The following GFPT2 variants were observed in gnomAD, a reference collection of about 807,000 sequenced individuals.
The protein encoded by GFPT2 is glutamine--fructose-6-phosphate transaminase 2.
In GFPT2, 62 loss-of-function variants were observed where a neutral mutation model predicts 85.6. The ratio of observed to expected loss-of-function variants is 0.72; its 90% CI spans 0.59 to 0.90. The LOEUF is 0.90. Among genes scored for constraint, GFPT2 ranks in the 40% least tolerant of loss-of-function variants. GFPT2 has a pLI of 0.00. For missense variants in GFPT2, 788 were observed against 893.4 expected (o/e 0.88, Z 1.50); for synonymous variants, 368 against 344.5 (o/e 1.07, Z -0.75).
chr5:180,301,652 G>C (rs777112014), intron 18 of GFPT2, 44 bp from the exon 19 acceptor site: 1 of 1,491,832 alleles, frequency 6.7e-7, no homozygotes, highest in East Asian at 2.3e-5. Context: ...AAAGATCTCA[G>C]CAACATGCTA....
chr5:180,346,355 G>A (rs1198303237), intron 1 of GFPT2, among the ~76,000 whole-genome samples: 1 of 152,184 alleles, frequency 6.6e-6, no homozygotes. Context: ...GGCTTCTGAG[G>A]AGATGCCCGC....
chr5:180,348,000 G>A (rs1341104725), intron 1 of GFPT2, among the ~76,000 whole-genome samples: 2 of 152,114 alleles, frequency 1.3e-5, no homozygotes, highest in Admixed American at 6.6e-5. Flanking sequence ...GACCGTTCCA[G>A]GGAGAGGCCC....
chr5:180,311,110 C>T (rs1763873077), intron 15 of GFPT2, among the ~76,000 whole-genome samples: 1 of 152,202 alleles, frequency 6.6e-6, no homozygotes, highest in African/African-American at 2.4e-5. Flanking sequence ...GATGGCCCTT[C>T]CCCAACTGCC....
chr5:180,328,599 C>T lies in GFPT2; in HGVS notation c.535-261G>A, dbSNP rs372853754. Among the ~76,000 whole-genome samples the T allele has an allele frequency of 1.1e-3, 172 of 152,312 alleles. No homozygotes were observed. Among genetic ancestry groups the T allele is most frequent in the Non-Finnish European group, 1.9e-3 (131 of 68,026 alleles). ...GGCTTGCCCAGGCCCACAGGGAGCC[C>T]GGCAGGGGTGCCAGCTGGGTAGACG... On this transcript the variant is annotated intron_variant, in intron 6 of 18. Coordinates refer to ENST00000253778, the MANE Select transcript of GFPT2 (RefSeq NM_005110.4). This position sits in a 1 kb window ranked among gnomAD's most constrained non-coding sequence, Gnocchi z 5.4.
intron 1 of GFPT2, 109 bp from the exon 2 acceptor site, chr5:180,338,709 C>T (rs979139716): frequency 1.5e-6 from 1 of 650,460 alleles, no homozygotes; most frequent in Middle Eastern, 2.5e-4. Flanking sequence ...CTCCCAGGGG[C>T]TTGCAGAGGT....
chr5:180,346,806 ATCTACTGC>A (rs1376453228), intron 1 of GFPT2, among the ~76,000 whole-genome samples: 2 of 152,138 alleles, frequency 1.3e-5, no homozygotes, highest in Non-Finnish European at 2.9e-5. Flanking sequence ...TTCTACCTTG[ATCTACTGC>A]TCTTTCCTAG....
At chr5:180,317,554 T>G (rs1581374686) in intron 10 of GFPT2, among the ~76,000 whole-genome samples, 1 of 150,704 alleles carries the variant, frequency 6.6e-6, no homozygotes, top group South Asian at 2.1e-4. Flanking sequence ...AGTCAGGAGA[T>G]CGAGACCATC....
chr5:180,343,692 CAG>C (rs1190752285), intron 1 of GFPT2, among the ~76,000 whole-genome samples: 3 of 152,248 alleles, frequency 2.0e-5, no homozygotes, highest in Non-Finnish European at 4.4e-5. Context: ...AAATAAAACA[CAG>C]AATAAAATGA....
intron 13 of GFPT2, among the ~76,000 whole-genome samples, chr5:180,314,559 A>G (rs1763964886): frequency 6.6e-6 from 1 of 152,248 alleles, no homozygotes; most frequent in African/African-American, 2.4e-5. Flanking sequence ...AGCATAAGCC[A>G]GACTATAAAA....
At chr5:180,304,432 AG>A in intron 17 of GFPT2, among the ~76,000 whole-genome samples, 2 of 152,320 alleles carry the variant, frequency 1.3e-5, no homozygotes, top group East Asian at 3.9e-4. Context: ...ACCTAACTCC[AG>A]GTAGTTCCCA....
intron 13 of GFPT2, among the ~76,000 whole-genome samples, chr5:180,314,893 G>A (rs1393637681): frequency 6.6e-6 from 1 of 152,114 alleles, no homozygotes; most frequent in African/African-American, 2.4e-5. Flanking sequence ...TTTCATATTA[G>A]CTCCACCTCT....
In GFPT2 at chr5:180,309,742, T is replaced by C. The variant is rs11249700; in HGVS notation, c.1547-2439A>G. Among the ~76,000 whole-genome samples the C allele has an allele frequency of 4.7e-3, 708 of 152,032 alleles. 11 individuals carry two copies. Among genetic ancestry groups the C allele is most frequent in the East Asian group, 0.041 (210 of 5,148 alleles). ...AGAAAGGCGCTACGTGTACTCCCCA[T>C]TTCATCATAAAGGATATTACAAAGA... On this transcript the variant is annotated intron_variant, in intron 15 of 18. Coordinates refer to ENST00000253778, the MANE Select transcript of GFPT2 (RefSeq NM_005110.4).
At chr5:180,329,896 C>T (rs1764274416) in intron 6 of GFPT2, among the ~76,000 whole-genome samples, 1 of 152,184 alleles carries the variant, frequency 6.6e-6, no homozygotes, top group South Asian at 2.1e-4. Context: ...GACAATACGC[C>T]CAGTGTGTGC....
At chr5:180,315,675 G>C (rs1763993702) in intron 13 of GFPT2, among the ~76,000 whole-genome samples, 1 of 152,178 alleles carries the variant, frequency 6.6e-6, no homozygotes, top group East Asian at 1.9e-4. Flanking sequence ...ATAAAGGCTT[G>C]GAATTATCCG....
chr5:180,317,571 A>G (rs1764036780), intron 10 of GFPT2, among the ~76,000 whole-genome samples: 1 of 150,714 alleles, frequency 6.6e-6, no homozygotes, highest in Non-Finnish European at 1.5e-5. Flanking sequence ...CATCCCGGCT[A>G]AAACAGTGAA....
chr5:180,315,870 C>T (rs2127649681), intron 13 of GFPT2, among the ~76,000 whole-genome samples: 1 of 152,322 alleles, frequency 6.6e-6, no homozygotes. Flanking sequence ...CCCCACACCT[C>T]CCCCTGCTGG....
chr5:180,331,090 A>G (rs1007127974), intron 5 of GFPT2, among the ~76,000 whole-genome samples: 1 of 152,224 alleles, frequency 6.6e-6, no homozygotes. Context: ...AGCAGTCAAA[A>G]TGATAAAATA....
chr5:180,319,816 C>G (rs1280377381), intron 9 of GFPT2, among the ~76,000 whole-genome samples: 8 of 152,090 alleles, frequency 5.3e-5, no homozygotes. Context: ...ACAGGAAACA[C>G]AGGGGACAGA....
intron 7 of GFPT2, among the ~76,000 whole-genome samples, chr5:180,326,991 A>G (rs1764220809): frequency 6.6e-6 from 1 of 152,248 alleles, no homozygotes; most frequent in Non-Finnish European, 1.5e-5. Flanking sequence ...GTATTTTATA[A>G]TTCTATGAAT....
Sources: allele counts gnomAD v4.1 joint callset (sites outside exome capture counted in the v4.1 genomes callset), GRCh38; gene constraint gnomAD v4.1.1; non-coding constraint Gnocchi (gnomAD v3.1); transcripts MANE v1.5; gene names NCBI Gene and HGNC (gene_info 2026-07-23, HGNC 2026-07-21).